Variants in AKAP13 observed in about 807,000 individuals in gnomAD.
The protein encoded by AKAP13 is A-kinase anchoring protein 13, also known as A-kinase anchor protein 13.
Under a neutral mutation model 264.5 loss-of-function variants are expected in AKAP13, and 80 were observed. That is an observed-to-expected ratio of 0.30 (90% CI 0.25 to 0.36). AKAP13 has a LOEUF of 0.36. AKAP13 is among the 10% of genes least tolerant of loss of function. The pLI, the probability that AKAP13 is intolerant of heterozygous loss-of-function variation, is 1.00. For missense variants in AKAP13, 3,712 were observed against 3,435.2 expected, an observed-to-expected ratio of 1.08 and a Z score of -2.01; for synonymous variants, 1,380 against 1,250.2, an observed-to-expected ratio of 1.10 and a Z score of -2.19.
chr15:85,442,581 T>C (rs1451547283), intron 1 of AKAP13, among the ~76,000 whole-genome samples: 1 of 141,546 alleles, frequency 7.1e-6, no homozygotes, highest in East Asian at 2.0e-4. Context: ...GATGAAACTC[T>C]TCTTAAAACA....
chr15:85,465,412 A>T (rs2151010410), intron 1 of AKAP13, among the ~76,000 whole-genome samples: 1 of 151,516 alleles, frequency 6.6e-6, no homozygotes, highest in East Asian at 1.9e-4. Flanking sequence ...CAGGTTAGTT[A>T]CATATGTATA....
intron 17 of AKAP13, among the ~76,000 whole-genome samples, chr15:85,704,436 C>G (rs2086113415): frequency 6.6e-6 from 1 of 152,060 alleles, no homozygotes; most frequent in Non-Finnish European, 1.5e-5. Context: ...CGCCAAAGAT[C>G]TGTGGTGGTT....
chr15:85,738,694 C>T (rs1027596918), intron 33 of AKAP13, among the ~76,000 whole-genome samples: 45 of 151,470 alleles, frequency 3.0e-4, no homozygotes, highest in Admixed American at 2.7e-3. Flanking sequence ...AAAAATTAGC[C>T]GGGCGCGGTG....
chr15:85,530,503 G>A (rs1348181048), intron 3 of AKAP13, among the ~76,000 whole-genome samples: 3 of 152,310 alleles, frequency 2.0e-5, no homozygotes, highest in East Asian at 3.9e-4. Context: ...TTTACATAGT[G>A]TAATCTCTCT....
intron 1 of AKAP13, among the ~76,000 whole-genome samples, chr15:85,437,661 C>A (rs1013966598): frequency 6.6e-6 from 1 of 152,048 alleles, no homozygotes; most frequent in Non-Finnish European, 1.5e-5. Flanking sequence ...AAGGCTGGTT[C>A]AATATACGCA....
In AKAP13 at chr15:85,434,148, G is replaced by A. The variant is rs576773058; in HGVS notation, c.-11-51562G>A. Among the ~76,000 whole-genome samples the A allele has an allele frequency of 5.9e-5, 9 of 152,120 alleles. No homozygotes were observed. The South Asian group carries it at 1.7e-3, about 28-fold the overall frequency. On this transcript the variant is annotated intron_variant, in intron 1 of 36. Coordinates refer to ENST00000394518, the MANE Select transcript of AKAP13 (RefSeq NM_007200.5). ...GCGAGCCGAAGCAGGGCGAGGCATT[G>A]CCTCACTTGGGAAGTGCAAGGGGTC...
intron 1 of AKAP13, among the ~76,000 whole-genome samples, chr15:85,399,526 AAAAATAAAAAAATAAAT>A (rs2071310275): frequency 2.8e-5 from 3 of 108,250 alleles, no homozygotes; most frequent in African/African-American, 7.2e-5. Flanking sequence ...AAAAAAATAA[AAAAATAAAAAAATAAAT>A]AAATAAATAA....
intron 13 of AKAP13, among the ~76,000 whole-genome samples, chr15:85,668,742 G>A (rs984054661): frequency 4.6e-5 from 7 of 152,164 alleles, no homozygotes; most frequent in East Asian, 3.8e-4. Flanking sequence ...AGGGATTTAA[G>A]ACCAGCCTGG....
chr15:85,644,693 C>CAAAAAAAAAAAAAAAAAAA (rs1161365911), intron 9 of AKAP13, among the ~76,000 whole-genome samples: 5 of 103,904 alleles, frequency 4.8e-5, no homozygotes, highest in Non-Finnish European at 9.5e-5. Flanking sequence ...ACTAAAAATA[C>CAAAAAAAAAAAAAAAAAAA]AAAAAAAAAA....
rs1277044014 is a variant in AKAP13 at position 85,714,289 on chromosome 15, GTA to G, written c.5600-1498_5600-1497del. On this transcript the variant is annotated intron_variant, in intron 19 of 36. Coordinates refer to ENST00000394518, the MANE Select transcript of AKAP13 (RefSeq NM_007200.5). ...TTCATCCTTGTCGTTTTCACATTGA[GTA>G]GACCAAGAAGGAAGAGGAAGAAAAG... Among the ~76,000 whole-genome samples, 6 of 152,302 alleles carry G rather than the reference GTA, an allele frequency of 3.9e-5. No individual in the cohort carries two copies. The East Asian group carries it at 1.2e-3, about 29-fold the overall frequency.
intron 8 of AKAP13, among the ~76,000 whole-genome samples, chr15:85,618,012 CTCA>C (rs1470557940): frequency 6.6e-6 from 1 of 152,206 alleles, no homozygotes; most frequent in Non-Finnish European, 1.5e-5. Context: ...AGAGCCAAGG[CTCA>C]CTTGGGGCAC....
chr15:85,497,981 T>C (rs572355990), intron 2 of AKAP13, among the ~76,000 whole-genome samples: 2 of 152,170 alleles, frequency 1.3e-5, no homozygotes, highest in Admixed American at 1.3e-4. Flanking sequence ...ATGATGAAGC[T>C]GTTCCGCAGG....
chr15:85,560,671 G>GTATT (rs34593367), intron 5 of AKAP13, among the ~76,000 whole-genome samples: 101,147 of 151,396 alleles, frequency 0.67, 33,840 homozygotes, highest in Middle Eastern at 0.78. Context: ...TTTATTATGA[G>GTATT]TAAATTATTC....
intron 8 of AKAP13, among the ~76,000 whole-genome samples, chr15:85,621,893 G>C (rs979991739): frequency 1.3e-5 from 2 of 152,052 alleles, no homozygotes; most frequent in African/African-American, 4.8e-5. Flanking sequence ...TTGTGTATTT[G>C]TACTATCCTG....
chr15:85,745,509 T>A lies in AKAP13; in HGVS notation c.*832T>A, dbSNP rs1472408681. ...TTTACCCACATGTTTTGGCCATGGA[T>A]AAAGTGAAGAGGCCTACTCACCATT... is the stretch of plus-strand genomic sequence containing the variant. On this transcript the variant is annotated 3_prime_UTR_variant, in exon 37 of 37. Coordinates refer to ENST00000394518, the MANE Select transcript of AKAP13 (RefSeq NM_007200.5). 1 of 152,202 alleles carries A rather than the reference T, an allele frequency of 6.6e-6. No individual in the cohort carries two copies. Among genetic ancestry groups the A allele is most frequent in the African/African-American group, 2.4e-5 (1 of 41,446 alleles). 9.4% of individuals were successfully genotyped at this position (152,202 alleles called of 1,614,324 possible). A position where few individuals can be genotyped will look rare whatever the true frequency, so the allele number is the denominator to read the frequency against.
intron 8 of AKAP13, among the ~76,000 whole-genome samples, chr15:85,608,340 A>G (rs1298121417): frequency 1.3e-5 from 2 of 152,236 alleles, no homozygotes; most frequent in Non-Finnish European, 2.9e-5. Flanking sequence ...TTGGTCAGCC[A>G]TTGGAAGTCT....
chr15:85,481,333 G>A (rs1296139832), intron 1 of AKAP13, among the ~76,000 whole-genome samples: 1 of 152,130 alleles, frequency 6.6e-6, no homozygotes, highest in African/African-American at 2.4e-5. Context: ...AAAGACTGAT[G>A]ATTGTTTATA....
intron 8 of AKAP13, among the ~76,000 whole-genome samples, chr15:85,619,051 T>C (rs2081059210): frequency 6.6e-6 from 1 of 152,128 alleles, no homozygotes; most frequent in Non-Finnish European, 1.5e-5. Context: ...ACGCTTGTGG[T>C]GTTTAGTATA....
chr15:85,734,083 T>G (rs71397896), intron 30 of AKAP13, among the ~76,000 whole-genome samples: 29,375 of 152,052 alleles, frequency 0.19, 3,779 homozygotes, highest in Middle Eastern at 0.41. Context: ...TCTGCCCGCC[T>G]CGGCCTCCCG....
Sources: allele counts gnomAD v4.1 joint callset (sites outside exome capture counted in the v4.1 genomes callset), GRCh38; gene constraint gnomAD v4.1.1; transcripts MANE v1.5; gene names NCBI Gene and HGNC (gene_info 2026-07-23, HGNC 2026-07-21).